The following ETV6 variants were observed in gnomAD, a reference collection of about 807,000 sequenced individuals.
The protein encoded by ETV6 is ETS variant transcription factor 6, also known as transcription factor ETV6.
Under a neutral mutation model 51.1 loss-of-function variants are expected in ETV6, and 16 were observed. That is an observed-to-expected ratio of 0.31 (90% CI 0.21 to 0.48). The LOEUF is 0.48. ETV6 is among the 20% of genes least tolerant of loss of function. ETV6 has a pLI of 0.99. For missense variants in ETV6, 458 were observed against 594.8 expected (o/e 0.77, Z 2.39); for synonymous variants, 240 against 224.1 (o/e 1.07, Z -0.64).
chr12:11,846,043 A>G (rs991883324), intron 3 of ETV6, among the ~76,000 whole-genome samples: 1 of 152,090 alleles, frequency 6.6e-6, no homozygotes, highest in Admixed American at 6.5e-5. Flanking sequence ...TTAGAAAACC[A>G]AGCAGTCCCA....
intron 5 of ETV6, among the ~76,000 whole-genome samples, chr12:11,882,671 C>A (rs1388247159): frequency 2.0e-5 from 3 of 152,192 alleles, no homozygotes; most frequent in African/African-American, 7.2e-5. Context: ...ATATAATAAT[C>A]CTGTAAAGTA....
intron 2 of ETV6, among the ~76,000 whole-genome samples, chr12:11,808,981 C>T (rs1038357619): frequency 1.6e-4 from 25 of 152,050 alleles, no homozygotes; most frequent in Admixed American, 2.6e-4. Flanking sequence ...CTGGCCAACA[C>T]GGCAAAACCC....
Position 11,892,593 on chromosome 12 carries a change from A to C in ETV6, c.*1547A>C, listed in dbSNP as rs988051684. On this transcript the variant is annotated 3_prime_UTR_variant, in exon 8 of 8. Coordinates refer to ENST00000396373, the MANE Select transcript of ETV6 (RefSeq NM_001987.5). The stretch of plus-strand genomic sequence containing the variant: ...AATATTTGGAGTACAATTTCTTTTA[A>C]TCCAGATTACACCTGCCTTACAAAG... 1 of 232,506 alleles carries C rather than the reference A, an allele frequency of 4.3e-6. No individual in the cohort carries two copies. Among genetic ancestry groups the C allele is most frequent in the Non-Finnish European group, 8.5e-6 (1 of 117,904 alleles). 14.4% of individuals were successfully genotyped at this position (232,506 alleles called of 1,614,324 possible).
At chr12:11,725,288 C>T (rs1464042693) in intron 1 of ETV6, among the ~76,000 whole-genome samples, 1 of 151,820 alleles carries the variant, frequency 6.6e-6, no homozygotes, top group Non-Finnish European at 1.5e-5. Flanking sequence ...TTTTGTGCAG[C>T]GTGCATGGCT....
At chr12:11,811,767 C>G (rs1945917821) in intron 2 of ETV6, among the ~76,000 whole-genome samples, 1 of 152,136 alleles carries the variant, frequency 6.6e-6, no homozygotes, top group Admixed American at 6.6e-5. Flanking sequence ...AGTTGGGATC[C>G]AGTTTCTACA....
intron 2 of ETV6, among the ~76,000 whole-genome samples, chr12:11,816,607 GT>G (rs1327615806): frequency 1.3e-5 from 2 of 152,168 alleles, no homozygotes; most frequent in Non-Finnish European, 2.9e-5. Context: ...GATCCTTTTA[GT>G]TTTTATTGGA....
chr12:11,701,951 C>A (rs11054420), intron 1 of ETV6, among the ~76,000 whole-genome samples: 1,556 of 152,216 alleles, frequency 0.01, 32 homozygotes, highest in African/African-American at 0.034. Flanking sequence ...TTGGAAGAAT[C>A]GCAAGGACAG....
At chr12:11,725,048 C>T (rs530703213) in intron 1 of ETV6, among the ~76,000 whole-genome samples, 2 of 152,138 alleles carry the variant, frequency 1.3e-5, no homozygotes, top group African/African-American at 4.8e-5. Context: ...ACCCCACTTC[C>T]CTGCCCACTT....
At chr12:11,749,288 T>TACAC (rs761925697) in intron 1 of ETV6, among the ~76,000 whole-genome samples, 1,763 of 122,764 alleles carry the variant, frequency 0.014, 34 homozygotes, top group African/African-American at 0.021. Context: ...ATCCCCCCCA[T>TACAC]ACACACACAC....
At chr12:11,788,081 A>T (rs1945516257) in intron 2 of ETV6, among the ~76,000 whole-genome samples, 1 of 152,190 alleles carries the variant, frequency 6.6e-6, no homozygotes, top group South Asian at 2.1e-4. Flanking sequence ...ACAAAGCAAG[A>T]ATCTCTTTAA....
intron 1 of ETV6, among the ~76,000 whole-genome samples, chr12:11,699,208 A>G (rs1298751969): frequency 6.6e-6 from 1 of 152,226 alleles, no homozygotes; most frequent in Non-Finnish European, 1.5e-5. Context: ...TTCTGAAGAC[A>G]TCTAGGATAA....
At chr12:11,677,290 C>T (rs1383832923) in intron 1 of ETV6, among the ~76,000 whole-genome samples, 2 of 152,208 alleles carry the variant, frequency 1.3e-5, no homozygotes, top group Admixed American at 6.5e-5. Flanking sequence ...TCCTGCCTCT[C>T]TCTCTGCCAA....
intron 2 of ETV6, among the ~76,000 whole-genome samples, chr12:11,776,589 G>T (rs190691198): frequency 4.3e-4 from 66 of 152,288 alleles, no homozygotes; most frequent in Admixed American, 3.9e-3. Flanking sequence ...TAGCTATGAG[G>T]AGATGGACAC....
chr12:11,855,237 TGGAGA>T, intron 4 of ETV6, among the ~76,000 whole-genome samples: 1 of 149,136 alleles, frequency 6.7e-6, no homozygotes, highest in Admixed American at 6.7e-5. Context: ...ACCCGGGAGG[TGGAGA>T]TTGCAGTGAG....
rs115863427 is a variant in ETV6, at chr12:11,829,429, G to A, written c.164-9711G>A. On this transcript the variant is annotated intron_variant, in intron 2 of 7. Transcript: ENST00000396373. ...GATTCAGACGCGTAACTAACCCAGCGCTAGTAAGTGGTGCAGCCGGTGTTT... is the reference window on the plus strand; with the variant it reads ...GATTCAGACGCGTAACTAACCCAGCACTAGTAAGTGGTGCAGCCGGTGTTT... Among the ~76,000 whole-genome samples the A allele has an allele frequency of 2.6e-5, 4 of 152,302 alleles. 1 individual carries two copies. Among genetic ancestry groups the A allele is most frequent in the African/African-American group, 9.6e-5 (4 of 41,544 alleles).
At chr12:11,830,324 T>G (rs919673075) in intron 2 of ETV6, among the ~76,000 whole-genome samples, 1 of 152,202 alleles carries the variant, frequency 6.6e-6, no homozygotes, top group Non-Finnish European at 1.5e-5. Context: ...TTTACATCCA[T>G]TATTTCCTTT....
chr12:11,742,153 CCTT>C (rs528753281), intron 1 of ETV6, among the ~76,000 whole-genome samples: 2 of 152,202 alleles, frequency 1.3e-5, no homozygotes, highest in East Asian at 1.9e-4. Flanking sequence ...ACAAGAGTTT[CCTT>C]CTTATTTCAA....
At chr12:11,876,037 G>A (rs895065118) in intron 5 of ETV6, among the ~76,000 whole-genome samples, 9 of 152,196 alleles carry the variant, frequency 5.9e-5, no homozygotes, top group African/African-American at 1.9e-4. Flanking sequence ...AATGTAGGAT[G>A]CAGACTTAGA....
chr12:11,813,175 C>A (rs1164023088), intron 2 of ETV6, among the ~76,000 whole-genome samples: 1 of 152,236 alleles, frequency 6.6e-6, no homozygotes, highest in Admixed American at 6.5e-5. Context: ...TACAGGAAAT[C>A]AGAATTTTCC....
Sources: allele counts gnomAD v4.1 joint callset (sites outside exome capture counted in the v4.1 genomes callset), GRCh38; gene constraint gnomAD v4.1.1; transcripts MANE v1.5; gene names NCBI Gene and HGNC (gene_info 2026-07-23, HGNC 2026-07-21).